Variants in SGCZ observed in about 807,000 individuals in gnomAD.
SGCZ encodes the protein sarcoglycan zeta.
In SGCZ, 40 loss-of-function variants were observed where a neutral mutation model predicts 41.3. That is an observed-to-expected ratio of 0.97 (90% CI 0.75 to 1.26). The LOEUF is 1.26. Ranked by LOEUF, SGCZ falls within the 50% of genes most tolerant of loss-of-function variation. The pLI is 0.00. For synonymous variants in SGCZ, 206 were observed against 137.5 expected (o/e 1.50, Z -3.49); for missense variants, 552 against 369.8 (o/e 1.49, Z -4.04).
At chr8:15,113,412 G>A (rs1488552619) in intron 1 of SGCZ, among the ~76,000 whole-genome samples, 2 of 152,074 alleles carry the variant, frequency 1.3e-5, no homozygotes, top group African/African-American at 4.8e-5. Context: ...CCTCAATTCA[G>A]CTAACAATTG....
At chr8:15,110,374 T>A (rs1305055617) in intron 1 of SGCZ, among the ~76,000 whole-genome samples, 4 of 152,204 alleles carry the variant, frequency 2.6e-5, no homozygotes, top group Non-Finnish European at 5.9e-5. Context: ...ATGTTCACAA[T>A]GATCATCTGG....
chr8:15,129,439 C>T (rs891826746), intron 1 of SGCZ, among the ~76,000 whole-genome samples: 1 of 152,102 alleles, frequency 6.6e-6, no homozygotes, highest in African/African-American at 2.4e-5. Flanking sequence ...AAGTAACATC[C>T]AAACTGTTTA....
chr8:14,125,471 T>G (rs1351849196), intron 5 of SGCZ, among the ~76,000 whole-genome samples: 3 of 146,378 alleles, frequency 2.0e-5, no homozygotes, highest in Non-Finnish European at 4.5e-5. Context: ...GCCACTGCAC[T>G]CCAGCCCAGG....
intron 4 of SGCZ, among the ~76,000 whole-genome samples, chr8:14,179,221 G>A (rs1346961115): frequency 6.6e-6 from 1 of 152,308 alleles, no homozygotes; most frequent in Admixed American, 6.5e-5. Context: ...AAAGCCAGAT[G>A]GCATCTAGAG....
At chr8:15,084,115 T>A (rs1012571530) in intron 1 of SGCZ, among the ~76,000 whole-genome samples, 1 of 152,164 alleles carries the variant, frequency 6.6e-6, no homozygotes, top group Non-Finnish European at 1.5e-5. Context: ...ACGTGGTAAA[T>A]CTCCAAACAA....
At chr8:14,596,491 T>C (rs954891110) in intron 1 of SGCZ, among the ~76,000 whole-genome samples, 1 of 152,222 alleles carries the variant, frequency 6.6e-6, no homozygotes, top group Non-Finnish European at 1.5e-5. Flanking sequence ...CAATTTCATA[T>C]GGTTTAAATA....
chr8:14,225,562 T>C (rs2059673), intron 4 of SGCZ, among the ~76,000 whole-genome samples: 40,715 of 151,940 alleles, frequency 0.27, 5,754 homozygotes, highest in South Asian at 0.41. Flanking sequence ...AATTGGTTCA[T>C]TGGGTTTTAT....
At chr8:14,938,492 CT>C (rs1379312469) in intron 1 of SGCZ, among the ~76,000 whole-genome samples, 1 of 152,136 alleles carries the variant, frequency 6.6e-6, no homozygotes, top group East Asian at 1.9e-4. Flanking sequence ...CTATAATTTT[CT>C]TAAAATTTTC....
intron 1 of SGCZ, among the ~76,000 whole-genome samples, chr8:14,656,210 GTCT>G (rs1807563129): frequency 1.2e-5 from 1 of 82,170 alleles, no homozygotes; most frequent in Non-Finnish European, 2.9e-5. Context: ...GAGATAAAGT[GTCT>G]TTATCCAGAG....
Position 14,108,178 on chromosome 8 carries a change from G to A in SGCZ, c.605C>T (p.Pro202Leu). The change falls in exon 6 of 8, where the codon CCA becomes CTA. Residue 202 changes from proline (P) to leucine (L), a missense_variant. Physicochemically the swap from Pro to Leu is moderately conservative, Grantham distance 98 (BLOSUM62 -3). Coordinates refer to ENST00000382080, the MANE Select transcript of SGCZ (RefSeq NM_139167.4). ...AAGCCCTTACCTGAGATCTTGGGATGGCTCTGCTCTGATGTGCGGCGTCTC... is the reference window on the plus strand; with the variant it reads ...AAGCCCTTACCTGAGATCTTGGGATAGCTCTGCTCTGATGTGCGGCGTCTC... The part of the protein sequence containing the change: ...SVETPHIRAE[P>L]SQDLRLESPT... 6.2e-7 allele frequency: 1 copy of A among 1,614,080 alleles called. No homozygotes were observed. The highest frequency in any genetic ancestry group is 2.2e-5 in the East Asian group (1 of 44,866).
At chr8:14,404,905 C>T (rs983450675) in intron 2 of SGCZ, among the ~76,000 whole-genome samples, 6 of 152,130 alleles carry the variant, frequency 3.9e-5, no homozygotes, top group Admixed American at 1.3e-4. Flanking sequence ...GATCTATTTG[C>T]TGTCTCTTCT....
chr8:15,139,746 G>T (rs268426), intron 1 of SGCZ, among the ~76,000 whole-genome samples: 146,357 of 152,102 alleles, frequency 0.96, 70,623 homozygotes, highest in East Asian at 1. Flanking sequence ...TACTACTTCA[G>T]GTCCTCAGAC....
At chr8:15,160,033 A>G (rs2117038699) in intron 1 of SGCZ, among the ~76,000 whole-genome samples, 1 of 152,128 alleles carries the variant, frequency 6.6e-6, no homozygotes, top group East Asian at 1.9e-4. Flanking sequence ...GGTAAAATTC[A>G]TAGAACATAA....
chr8:14,620,876 T>C (rs1213302019), intron 1 of SGCZ, among the ~76,000 whole-genome samples: 1 of 152,148 alleles, frequency 6.6e-6, no homozygotes, highest in Non-Finnish European at 1.5e-5. Context: ...TGGAAGACAG[T>C]GTGGTGGTTC....
chr8:15,046,337 T>C (rs888148914), intron 1 of SGCZ, among the ~76,000 whole-genome samples: 7 of 152,060 alleles, frequency 4.6e-5, no homozygotes, highest in Non-Finnish European at 1.0e-4. Flanking sequence ...AACACTAAAA[T>C]AATGACCATT....
chr8:14,976,581 T>C (rs1801486972), intron 1 of SGCZ, among the ~76,000 whole-genome samples: 1 of 152,194 alleles, frequency 6.6e-6, no homozygotes, highest in Non-Finnish European at 1.5e-5. Context: ...GCTGTGAAGT[T>C]TCTGACAACA....
chr8:14,427,001 C>T (rs1003042230), intron 2 of SGCZ, among the ~76,000 whole-genome samples: 11 of 149,754 alleles, frequency 7.3e-5, no homozygotes, highest in African/African-American at 2.3e-4. Flanking sequence ...AGTCCTGGCT[C>T]AGTAGCCTGT....
intron 2 of SGCZ, among the ~76,000 whole-genome samples, chr8:14,488,321 T>TGC (rs1801738266): frequency 6.6e-6 from 1 of 152,248 alleles, no homozygotes; most frequent in Admixed American, 6.5e-5. Flanking sequence ...TTTGAAATTC[T>TGC]GCGTCCCATC....
At chr8:14,988,271 C>A (rs1376874897) in intron 1 of SGCZ, among the ~76,000 whole-genome samples, 2 of 147,920 alleles carry the variant, frequency 1.4e-5, no homozygotes, top group Non-Finnish European at 3.0e-5. Context: ...TCTAAAAAAA[C>A]TCTGAAAACA....
Sources: gnomAD v4.1 joint callset for allele counts (sites outside exome capture counted in the v4.1 genomes callset) on GRCh38, gnomAD v4.1.1 for gene constraint, MANE v1.5 for transcripts, NCBI Gene and HGNC (gene_info 2026-07-23, HGNC 2026-07-21) for gene names.